PCSK7: variants seen among roughly 807,000 people sequenced by gnomAD.
PCSK7 encodes the protein proprotein convertase subtilisin/kexin type 7, also known as lymphoma proprotein convertase.
PCSK7 carries 38 observed loss-of-function variants against 73.3 expected under a neutral mutation model. The observed-to-expected ratio is 0.52, with a 90% CI of 0.40 to 0.68. The LOEUF (loss-of-function observed/expected upper bound fraction) is 0.68, where lower values mean the gene tolerates loss of function less well. Ranked by LOEUF, PCSK7 falls within the 30% of genes least tolerant of loss-of-function variation. The pLI is 0.00. For missense variants in PCSK7, 692 were observed against 991.5 expected (o/e 0.70, Z 4.06); for synonymous variants, 296 against 383.8 (o/e 0.77, Z 2.68).
At position 117,218,373 on chromosome 11, in the gene PCSK7, G is replaced by C; in HGVS notation, c.1534+93C>G. On this transcript the variant is annotated intron_variant, in intron 12 of 16. Transcript: ENST00000320934. This position sits in a 1 kb window ranked among gnomAD's most constrained non-coding sequence, Gnocchi z 4.0. Reference sequence around the variant, plus strand: ...GGCTGGAGCTCAGCTCCGAAAGGGGGTAGAATCTGGCAGGGAGGACGAGTT... The same window carrying C: ...GGCTGGAGCTCAGCTCCGAAAGGGGCTAGAATCTGGCAGGGAGGACGAGTT... The C allele has an allele frequency of 1.5e-6, 1 of 652,630 alleles. No homozygotes were observed. Among genetic ancestry groups the C allele is most frequent in the South Asian group, 2.3e-5 (1 of 43,438 alleles). The allele number at this position is 652,630 out of a possible 1,614,324, so 40.4% of individuals were successfully genotyped here.
Position 117,219,726 on chromosome 11 carries a change from A to C in PCSK7, c.1188T>G (p.Thr396=). The C allele has an allele frequency of 6.3e-7, 1 of 1,594,366 alleles. No homozygotes were observed. Among genetic ancestry groups the C allele is most frequent in the African/African-American group, 1.4e-5 (1 of 73,970 alleles). Residue 396 remains threonine (T), a synonymous_variant, in exon 10 of 17, where the codon ACT becomes ACG. Transcript: ENST00000320934. ...VTTDWDLQKG[T]GCTEGHTGTS... ...TCCCTGTGTGGCCCTCAGTGCAGCC[A>C]GTGCCCTTCTGAAGGTCCCAGTCAG...
chr11:117,229,693 C>A lies in PCSK7; in HGVS notation c.152G>T (p.Gly51Val). ...TGGPDGQGTG[G>V]PSWAVHLESL... ...TTCCAGGTGCACAGCCCAGCTCGGC[C>A]CCCCTGTGCCCTGGCCATCAGGCCC... The change falls in exon 3 of 17, where the codon GGG becomes GTG. Residue 51 changes from glycine (G) to valine (V), a missense_variant. Physicochemically the swap from Gly to Val is moderately radical, Grantham distance 109. Around this residue, in one of 6 missense-constraint regions of PCSK7, gnomAD observed 574 missense variants for 689.8 expected, o/e 0.83. Transcript: ENST00000320934. The A allele has an allele frequency of 6.2e-7, 1 of 1,613,792 alleles. No individual in the cohort carries two copies. The highest frequency in any genetic ancestry group is 1.3e-5 in the African/African-American group (1 of 75,068).
At chr11:117,222,938 T>G in intron 9 of PCSK7, 1 of 398,798 alleles carries the variant, frequency 2.5e-6, no homozygotes, top group Non-Finnish European at 4.7e-6. Context: ...TGAGCCACCA[T>G]GTTTGGCCCC....
intron 12 of PCSK7, chr11:117,210,252 ACCT>A (rs1199614460): frequency 6.6e-6 from 1 of 151,890 alleles, no homozygotes; most frequent in Non-Finnish European, 1.5e-5. Context: ...TTTCTTTGAA[ACCT>A]CCTGTAAATC....
At chr11:117,219,537 C>T in intron 10 of PCSK7, 54 bp downstream of exon 10, 1 of 1,553,254 alleles carries the variant, frequency 6.4e-7, no homozygotes, top group Admixed American at 1.9e-5. Context: ...CACCTGATAC[C>T]CGAACTCTGG....
At chr11:117,225,055 CTTTTTTTTTTT>C (rs571538440) in intron 6 of PCSK7, 19 of 134,368 alleles carry the variant, frequency 1.4e-4, no homozygotes, top group Non-Finnish European at 2.1e-4. Flanking sequence ...ACATGTAGAC[CTTTTTTTTTTT>C]TTTTTTTTCT....
At chr11:117,214,031 A>T (rs2031854745) in intron 12 of PCSK7, 1 of 134,802 alleles carries the variant, frequency 7.4e-6, no homozygotes, top group African/African-American at 2.9e-5. Flanking sequence ...ATCTCTGCTC[A>T]CTGCAACCTC....
rs36066272 is a variant in PCSK7, at chr11:117,230,404, T to C, written c.-68A>G. 1,797 of 153,060 alleles carry C rather than the reference T, an allele frequency of 0.012. 20 individuals are homozygous for C. The highest frequency in any genetic ancestry group is 0.02 in the Non-Finnish European group (1,350 of 68,642). The allele number at this position is 153,060 out of a possible 1,614,324, so 9.5% of individuals were successfully genotyped here. The stretch of plus-strand genomic sequence containing the variant: ...CTGGCTAACCACGTCACACTCATGT[T>C]GTGCAAATGGAGAAAAGGCATCACT... On this transcript the variant is annotated 5_prime_UTR_variant, in exon 2 of 17. Transcript: ENST00000320934.
Position 117,222,537 on chromosome 11 carries a change from A to G in PCSK7, c.1155+671T>C, listed in dbSNP as rs904518575. The G allele has an allele frequency of 8.5e-5, 13 of 152,352 alleles. No homozygotes were observed. The East Asian group carries it at 2.5e-3, about 29-fold the overall frequency. 9.4% of individuals were successfully genotyped at this position (152,352 alleles called of 1,614,324 possible). On this transcript the variant is annotated intron_variant, in intron 9 of 16. Coordinates refer to ENST00000320934, the MANE Select transcript of PCSK7 (RefSeq NM_004716.4). ...GCAATGGAATTAGGAGTTTTTTTTA[A>G]GTCCACAGAAATTAGCAAAAGCCCA...
intron 1 of PCSK7, chr11:117,231,342 T>C (rs1333509720): frequency 6.6e-6 from 1 of 152,240 alleles, no homozygotes; most frequent in Non-Finnish European, 1.5e-5. Context: ...CGTTTTCTCT[T>C]AGGTTTCCAG....
intron 2 of PCSK7, chr11:117,230,062 C>G (rs2032585050): frequency 5.9e-6 from 3 of 505,466 alleles, no homozygotes; most frequent in African/African-American, 3.9e-5. Context: ...TGGGCCAGCA[C>G]TAACACCAGC....
rs889536615 is a variant in PCSK7, at chr11:117,224,263, G to A, written c.916-47C>T. 4.4e-6 allele frequency: 7 copies of A among 1,600,870 alleles called. No individual in the cohort carries two copies. In the Admixed American group the frequency reaches 5.1e-5, roughly 12 times the overall value. On this transcript the variant is annotated intron_variant, in intron 7 of 16. Transcript: ENST00000320934. ...GTGTCAGTTGAGGAACCCACAGAAA[G>A]ACCTCCGCCTACCACATCAGTCACC... is the stretch of plus-strand genomic sequence containing the variant.
rs147787951 is a variant in PCSK7 at position 117,229,908 on chromosome 11, G to C, written c.-12-52C>G. The C allele has an allele frequency of 2.7e-4, 306 of 1,119,758 alleles. No individual in the cohort carries two copies. The African/African-American group carries it at 4.5e-3, about 16-fold the overall frequency. 69.4% of individuals were successfully genotyped at this position (1,119,758 alleles called of 1,614,324 possible). A position where few individuals can be genotyped will look rare whatever the true frequency, so the allele number is the denominator to read the frequency against. On this transcript the variant is annotated intron_variant, in intron 2 of 16. Transcript: ENST00000320934. ...AGAGATCAAAGAGCTGGTAACTGCAGGAATCTGAGAGGGAGATGCTGAGCC... is the reference window on the plus strand; with the variant it reads ...AGAGATCAAAGAGCTGGTAACTGCACGAATCTGAGAGGGAGATGCTGAGCC...
Position 117,229,679 on chromosome 11 carries a change from C to T in PCSK7, c.166G>A (p.Val56Met). 6.2e-7 allele frequency: 1 copy of T among 1,613,776 alleles called. No individual in the cohort carries two copies. Among genetic ancestry groups the T allele is most frequent in the Non-Finnish European group, 8.5e-7 (1 of 1,179,672 alleles). Residue 56 changes from valine (V) to methionine (M), a missense_variant, in exon 3 of 17, where the codon GTG becomes ATG. Coordinates refer to ENST00000320934, the MANE Select transcript of PCSK7 (RefSeq NM_004716.4). Reference sequence around the variant, plus strand: ...TCACCTTCCAGGCTTTCCAGGTGCACAGCCCAGCTCGGCCCCCCTGTGCCC... The same window carrying T: ...TCACCTTCCAGGCTTTCCAGGTGCATAGCCCAGCTCGGCCCCCCTGTGCCC... Reference protein sequence around the residue: ...GQGTGGPSWAVHLESLEGDGE... With the variant: ...GQGTGGPSWAMHLESLEGDGE...
At chr11:117,214,782 G>C (rs1055698832) in intron 12 of PCSK7, 1 of 152,326 alleles carries the variant, frequency 6.6e-6, no homozygotes, top group Non-Finnish European at 1.5e-5. Context: ...AGAATCAGCA[G>C]AGAGGGAAAT....
Position 117,218,403 on chromosome 11 carries a change from T to A in PCSK7, c.1534+63A>T. On this transcript the variant is annotated intron_variant, in intron 12 of 16. Transcript: ENST00000320934. The surrounding 1 kb of genome is among the most constrained non-coding windows in gnomAD (Gnocchi z 4.0). Reference sequence around the variant, plus strand: ...ATCTGGCAGGGAGGACGAGTTTAACTTCCTTGTCACCCGGCCCCAAACCTC... The same window carrying A: ...ATCTGGCAGGGAGGACGAGTTTAACATCCTTGTCACCCGGCCCCAAACCTC... 1 of 880,176 alleles carries A rather than the reference T, an allele frequency of 1.1e-6. No individual in the cohort carries two copies. Among genetic ancestry groups the A allele is most frequent in the Non-Finnish European group, 1.7e-6 (1 of 578,950 alleles). 54.5% of individuals were successfully genotyped at this position (880,176 alleles called of 1,614,324 possible). A position where few individuals can be genotyped will look rare whatever the true frequency, so the allele number is the denominator to read the frequency against.
chr11:117,228,530 T>C (rs2134332476), intron 3 of PCSK7, among the ~76,000 whole-genome samples, 180 bp from the exon 4 acceptor site: 1 of 151,858 alleles, frequency 6.6e-6, no homozygotes, highest in Non-Finnish European at 1.5e-5. Context: ...GCCACAGCCT[T>C]GGATTCTAGG....
At chr11:117,208,627 G>A (rs1481679740) in intron 13 of PCSK7, 1 of 338,400 alleles carries the variant, frequency 3.0e-6, no homozygotes, top group Non-Finnish European at 5.1e-6. Flanking sequence ...TGGGATTACA[G>A]GTGTGAGCCA....
At chr11:117,224,048 C>T (rs200527015) in intron 8 of PCSK7, 30 bp downstream of exon 8, 2 of 1,612,146 alleles carry the variant, frequency 1.2e-6, no homozygotes, top group East Asian at 4.5e-5. Flanking sequence ...GTGACACACA[C>T]ACAGGAGCAC....
Sources: gnomAD v4.1 joint callset for allele counts (sites outside exome capture counted in the v4.1 genomes callset) on GRCh38, gnomAD v4.1.1 for gene constraint, gnomAD v4.1.1 regional missense constraint, Gnocchi (gnomAD v3.1) non-coding constraint, MANE v1.5 for transcripts, NCBI Gene and HGNC (gene_info 2026-07-23, HGNC 2026-07-21) for gene names.